The following GNG7 variants were observed in gnomAD, a reference collection of about 807,000 sequenced individuals.
GNG7 encodes the protein guanine nucleotide-binding protein G(I)/G(S)/G(O) subunit gamma-7.
In GNG7, 1 loss-of-function variant was observed where a neutral mutation model predicts 4.0. The observed-to-expected ratio is 0.25, with a 90% CI of 0.09 to 1.18. GNG7 has a LOEUF of 1.18. Ranked by LOEUF, GNG7 falls within the 50% of genes most tolerant of loss-of-function variation. GNG7 has a pLI of 0.50. For synonymous variants in GNG7, 34 were observed against 36.9 expected (o/e 0.92, Z 0.29); for missense variants, 86 against 91.9 (o/e 0.94, Z 0.26).
chr19:2,666,779 G>A (rs1568279391), intron 1 of GNG7, among the ~76,000 whole-genome samples: 1 of 152,216 alleles, frequency 6.6e-6, no homozygotes, highest in Non-Finnish European at 1.5e-5. Flanking sequence ...AATGGGCATG[G>A]CCCATCGTGT....
rs181609471 is a variant in GNG7, at chr19:2,633,581, G to C, written c.-78+12643C>G. On this transcript the variant is annotated intron_variant, in intron 2 of 4. Coordinates refer to ENST00000382159, the MANE Select transcript of GNG7 (RefSeq NM_052847.3). This position sits in a 1 kb window ranked among gnomAD's most constrained non-coding sequence, Gnocchi z 5.9. The stretch of plus-strand genomic sequence containing the variant: ...GGGTACTCAGATCCCCGGGCTCGGT[G>C]GTCGTGGATGTGAGCCTCTCTGGGT... Among the ~76,000 whole-genome samples the C allele has an allele frequency of 6.6e-6, 1 of 152,074 alleles. No homozygotes were observed. Among genetic ancestry groups the C allele is most frequent in the East Asian group, 1.9e-4 (1 of 5,164 alleles).
intron 2 of GNG7, among the ~76,000 whole-genome samples, chr19:2,638,412 G>GGGAGGGGAAGGGGAA (rs1228180714): frequency 1.9e-5 from 2 of 106,502 alleles, no homozygotes; most frequent in African/African-American, 3.7e-5. Context: ...AAGGGAAAGG[G>GGGAGGGGAAGGGGAA]GGAGGGGAAG....
chr19:2,702,339 T>C (rs1447788342), intron 1 of GNG7, among the ~76,000 whole-genome samples: 2 of 92,008 alleles, frequency 2.2e-5, no homozygotes, highest in African/African-American at 4.3e-5. Flanking sequence ...CTGCACCCCC[T>C]GCCCCGTCCC....
In GNG7 at chr19:2,681,517, C is replaced by T. The variant is rs575789718; in HGVS notation, c.-135+21129G>A. 6.0e-4 allele frequency among the ~76,000 whole-genome samples: 92 copies of T among 152,242 alleles called. 1 individual carries two copies. Among genetic ancestry groups the T allele is most frequent in the African/African-American group, 2.1e-3 (89 of 41,548 alleles). ...CTCTTGGACTCAAGTGATCCTCCCA[C>T]CTCGGCCTCCCAAAGCGCTGGGATC... On this transcript the variant is annotated intron_variant, in intron 1 of 4. Coordinates refer to ENST00000382159, the MANE Select transcript of GNG7 (RefSeq NM_052847.3).
chr19:2,674,672 G>A (rs1170417350), intron 1 of GNG7, among the ~76,000 whole-genome samples: 4 of 152,186 alleles, frequency 2.6e-5, no homozygotes, highest in Non-Finnish European at 5.9e-5. Flanking sequence ...CTGACCTCAG[G>A]TGATCCACCC....
chr19:2,551,755 C>T (rs1979340934), intron 3 of GNG7, among the ~76,000 whole-genome samples: 1 of 151,922 alleles, frequency 6.6e-6, no homozygotes, highest in Non-Finnish European at 1.5e-5. Context: ...ACGATCTCAG[C>T]TCACTGCAAC....
chr19:2,533,265 T>C (rs2144739539), intron 3 of GNG7, among the ~76,000 whole-genome samples: 1 of 149,732 alleles, frequency 6.7e-6, no homozygotes, highest in Non-Finnish European at 1.5e-5. Context: ...ATTTAAAAAA[T>C]AAATGCCTCT....
intron 2 of GNG7, among the ~76,000 whole-genome samples, chr19:2,558,794 TTTTA>T (rs1007214698): frequency 4.6e-5 from 7 of 151,810 alleles, no homozygotes; most frequent in Admixed American, 6.6e-5. Flanking sequence ...TCTCTTTCCT[TTTTA>T]TTTATTTATT....
intron 3 of GNG7, among the ~76,000 whole-genome samples, chr19:2,532,498 C>G (rs1270249919): frequency 6.6e-6 from 1 of 152,096 alleles, no homozygotes; most frequent in Non-Finnish European, 1.5e-5. Flanking sequence ...GCAGTGACGT[C>G]TAATATACGT....
chr19:2,515,510 C>A (rs10424600), intron 4 of GNG7, among the ~76,000 whole-genome samples: 8 of 151,562 alleles, frequency 5.3e-5, no homozygotes, highest in Non-Finnish European at 1.2e-4. Flanking sequence ...TCACTGCAAC[C>A]TCCACCTCGC....
intron 1 of GNG7, among the ~76,000 whole-genome samples, chr19:2,692,239 A>T (rs113842106): frequency 0.028 from 4,240 of 151,828 alleles, 213 homozygotes; most frequent in African/African-American, 0.097. Context: ...CTCTGTGCCC[A>T]GCAGACTCTG....
Position 2,548,753 on chromosome 19 carries a change from C to T in GNG7, c.-38+6396G>A, listed in dbSNP as rs144093344. On this transcript the variant is annotated intron_variant, in intron 3 of 4. Transcript: ENST00000382159. ...GCAGTGAGCCAAGATCGTGCCACTA[C>T]ACTCCAGCCTGGGTGCAGAGCGAGA... 5.2e-3 allele frequency among the ~76,000 whole-genome samples: 794 copies of T among 151,788 alleles called. 5 individuals carry two copies. Among genetic ancestry groups the T allele is most frequent in the African/African-American group, 0.019 (766 of 41,358 alleles).
chr19:2,619,502 A>G (rs1043329313), intron 2 of GNG7, among the ~76,000 whole-genome samples: 2 of 152,234 alleles, frequency 1.3e-5, no homozygotes, highest in African/African-American at 2.4e-5. Flanking sequence ...GGTGAAGGGC[A>G]AGGTCAGACA....
intron 2 of GNG7, among the ~76,000 whole-genome samples, chr19:2,641,362 G>A (rs1170084819): frequency 2.0e-5 from 3 of 152,184 alleles, no homozygotes; most frequent in Admixed American, 6.5e-5. Context: ...GACCGCAGAT[G>A]GGATGAAGTT....
chr19:2,570,147 G>A (rs1205331793), intron 2 of GNG7, among the ~76,000 whole-genome samples: 1 of 151,938 alleles, frequency 6.6e-6, no homozygotes, highest in Non-Finnish European at 1.5e-5. Flanking sequence ...AAAAAAGCCT[G>A]GCACCTCCTC....
rs374000488 is a variant in GNG7 at position 2,662,066 on chromosome 19, C to A, written c.-134-15786G>T. 1.2e-4 allele frequency among the ~76,000 whole-genome samples: 18 copies of A among 152,150 alleles called. No homozygotes were observed. The East Asian group carries it at 1.9e-3, about 16-fold the overall frequency. On this transcript the variant is annotated intron_variant, in intron 1 of 4. Transcript: ENST00000382159. The stretch of plus-strand genomic sequence containing the variant: ...CTTAAGATCAGGAGTTTGAGACCAG[C>A]GTGACCAACACGGTGAAACCCTGTC...
At chr19:2,692,038 G>A (rs956389298) in intron 1 of GNG7, among the ~76,000 whole-genome samples, 3 of 152,140 alleles carry the variant, frequency 2.0e-5, no homozygotes, top group South Asian at 2.1e-4. Flanking sequence ...TAGAAGGAGC[G>A]CAGCCCTGCT....
At chr19:2,661,016 A>G (rs1288275857) in intron 1 of GNG7, among the ~76,000 whole-genome samples, 1 of 151,662 alleles carries the variant, frequency 6.6e-6, no homozygotes, top group Non-Finnish European at 1.5e-5. Flanking sequence ...GTTCGAGGTC[A>G]GCCTGACCAA....
rs1568268793 is a variant in GNG7, at chr19:2,633,501, A to ACGCGCGCG, written c.-78+12722_-78+12723insCGCGCGCG. Among the ~76,000 whole-genome samples, 10 of 143,548 alleles carry ACGCGCGCG rather than the reference A, an allele frequency of 7.0e-5. No individual in the cohort carries two copies. The highest frequency in any genetic ancestry group is 2.9e-4 in the African/African-American group (10 of 34,848). 94.2% of individuals were successfully genotyped at this position (143,548 alleles called of 152,430 possible). A position where few individuals can be genotyped will look rare whatever the true frequency, so the allele number is the denominator to read the frequency against. On this transcript the variant is annotated intron_variant, in intron 2 of 4. Coordinates refer to ENST00000382159, the MANE Select transcript of GNG7 (RefSeq NM_052847.3). The surrounding 1 kb of genome is among the most constrained non-coding windows in gnomAD (Gnocchi z 5.9). ...CGCGCGCGCGCGCACACACACACACACACACACACACACACACACACACGA... is the reference window on the plus strand; with the variant it reads ...CGCGCGCGCGCGCACACACACACACACGCGCGCGCACACACACACACACACACACACGA...
Sources: allele counts gnomAD v4.1 joint callset (sites outside exome capture counted in the v4.1 genomes callset), GRCh38; gene constraint gnomAD v4.1.1; non-coding constraint Gnocchi (gnomAD v3.1); transcripts MANE v1.5; gene names NCBI Gene and HGNC (gene_info 2026-07-23, HGNC 2026-07-21).